The following BEAN1 variants were observed in gnomAD, a reference collection of about 807,000 sequenced individuals.
BEAN1 encodes the protein protein BEAN1.
Under a neutral mutation model 17.7 loss-of-function variants are expected in BEAN1, and 17 were observed. That is an observed-to-expected ratio of 0.96 (90% CI 0.66 to 1.44). The LOEUF is 1.44. Ranked by LOEUF, BEAN1 falls within the 40% of genes most tolerant of loss-of-function variation. The probability of loss-of-function intolerance (pLI) is 0.00; values close to 1 mark genes in which losing one functional copy is unlikely to be tolerated. For synonymous variants in BEAN1, 142 were observed against 151.8 expected (o/e 0.94, Z 0.47); for missense variants, 359 against 374.1 (o/e 0.96, Z 0.33).
chr16:66,475,317 T>C (rs184924007), intron 3 of BEAN1, among the ~76,000 whole-genome samples: 1 of 152,146 alleles, frequency 6.6e-6, no homozygotes, highest in African/African-American at 2.4e-5. Flanking sequence ...TTTCCCAAGA[T>C]GCTCCCCTCT....
chr16:66,461,227 T>C (rs1000801022), intron 2 of BEAN1, among the ~76,000 whole-genome samples: 1 of 152,194 alleles, frequency 6.6e-6, no homozygotes, highest in Non-Finnish European at 1.5e-5. Flanking sequence ...ATGTTATTTC[T>C]CTGCAGTCAT....
intron 1 of BEAN1, among the ~76,000 whole-genome samples, chr16:66,436,886 G>A (rs1962046084): frequency 6.6e-6 from 1 of 152,084 alleles, no homozygotes; most frequent in South Asian, 2.1e-4. Context: ...TCATTCTGTA[G>A]GCCTTTGTTT....
At position 66,430,120 on chromosome 16, in the gene BEAN1, A is replaced by C. The variant is rs1020419227; in HGVS notation, c.-83+2689A>C. Reference sequence around the variant, plus strand: ...TATAGCATGTGGTTCTGGGAAGGTGACTTATTTTTCAAAGCCTCAGTTCCC... The same window carrying C: ...TATAGCATGTGGTTCTGGGAAGGTGCCTTATTTTTCAAAGCCTCAGTTCCC... On this transcript the variant is annotated intron_variant, in intron 1 of 4. Coordinates refer to ENST00000536005, the MANE Select transcript of BEAN1 (RefSeq NM_001178020.3). Among the ~76,000 whole-genome samples, 3 of 152,126 alleles carry C rather than the reference A, an allele frequency of 2.0e-5. No homozygotes were observed. The East Asian group carries it at 5.8e-4, about 29-fold the overall frequency.
At chr16:66,476,746 C>T (rs1963764346) in intron 3 of BEAN1, among the ~76,000 whole-genome samples, 1 of 152,194 alleles carries the variant, frequency 6.6e-6, no homozygotes, top group Non-Finnish European at 1.5e-5. Context: ...GGATTGTGCT[C>T]CAGCAGCATT....
At chr16:66,492,192 C>A (rs1413078954) in intron 4 of BEAN1, among the ~76,000 whole-genome samples, 1 of 151,912 alleles carries the variant, frequency 6.6e-6, no homozygotes, top group Non-Finnish European at 1.5e-5. Context: ...CAGGTGTCCA[C>A]CAACACACCT....
At chr16:66,438,181 C>T (rs1269373212) in intron 2 of BEAN1, among the ~76,000 whole-genome samples, 3 of 152,062 alleles carry the variant, frequency 2.0e-5, no homozygotes, top group East Asian at 1.9e-4. Flanking sequence ...GTCAGGAGTT[C>T]GAGACCAGCC....
intron 4 of BEAN1, among the ~76,000 whole-genome samples, chr16:66,488,753 G>A (rs1186283304): frequency 6.6e-6 from 1 of 151,698 alleles, no homozygotes; most frequent in East Asian, 1.9e-4. Flanking sequence ...CTTTTAAGAT[G>A]GAGGAAGGGG....
At chr16:66,466,597 C>T (rs1041620450) in intron 2 of BEAN1, among the ~76,000 whole-genome samples, 1 of 152,126 alleles carries the variant, frequency 6.6e-6, no homozygotes, top group Non-Finnish European at 1.5e-5. Flanking sequence ...TGGAGTTTTG[C>T]TCTTGTTGCC....
At chr16:66,470,128 T>G (rs1963421369) in intron 3 of BEAN1, 1 of 579,930 alleles carries the variant, frequency 1.7e-6, no homozygotes, top group Non-Finnish European at 3.0e-6. Context: ...CCCCTGCCAC[T>G]GTTGGTCCAG....
rs757117650 is a variant in BEAN1 at position 66,471,158 on chromosome 16, T to C, written c.289+1293T>C. 2.6e-5 allele frequency among the ~76,000 whole-genome samples: 4 copies of C among 152,182 alleles called. No individual in the cohort carries two copies. Among genetic ancestry groups the C allele is most frequent in the Admixed American group, 2.6e-4 (4 of 15,284 alleles). On this transcript the variant is annotated intron_variant, in intron 3 of 4. Coordinates refer to ENST00000536005, the MANE Select transcript of BEAN1 (RefSeq NM_001178020.3). This position sits in a 1 kb window ranked among gnomAD's most constrained non-coding sequence, Gnocchi z 4.7. Reference sequence around the variant, plus strand: ...TGGCCTTTGGGGCCCCTCCTCCCCCTCCCAGACACACCCTGATTAGCCAGG... The same window carrying C: ...TGGCCTTTGGGGCCCCTCCTCCCCCCCCCAGACACACCCTGATTAGCCAGG...
chr16:66,433,774 T>C (rs1961899403), intron 1 of BEAN1, among the ~76,000 whole-genome samples: 1 of 152,230 alleles, frequency 6.6e-6, no homozygotes, highest in African/African-American at 2.4e-5. Context: ...CTGTGGCCTC[T>C]TTCACAAGGC....
At chr16:66,456,709 G>A (rs1360709628) in intron 2 of BEAN1, among the ~76,000 whole-genome samples, 2 of 152,214 alleles carry the variant, frequency 1.3e-5, no homozygotes, top group African/African-American at 4.8e-5. Context: ...AGTAATTTGT[G>A]AAATTGTTTC....
chr16:66,484,692 A>T (rs918322074), downstream of BEAN1: 8 of 454,010 alleles, frequency 1.8e-5, no homozygotes, highest in African/African-American at 1.0e-4. This position sits in a 1 kb window ranked among gnomAD's most constrained non-coding sequence, Gnocchi z 4.2. Context: ...GCAGGAAACA[A>T]GAAAGGCAAG....
chr16:66,435,165 A>G (rs1225160987), intron 1 of BEAN1, among the ~76,000 whole-genome samples: 1 of 152,104 alleles, frequency 6.6e-6, no homozygotes, highest in Non-Finnish European at 1.5e-5. Context: ...GTGTCTAGGA[A>G]GCAGGCCAGC....
chr16:66,450,472 T>A (rs973633514), intron 2 of BEAN1, among the ~76,000 whole-genome samples: 1 of 152,016 alleles, frequency 6.6e-6, no homozygotes, highest in Non-Finnish European at 1.5e-5. Context: ...TCCCAGCACT[T>A]TGGGAGGCCG....
Position 66,482,757 on chromosome 16 carries a change from TA to T in BEAN1, c.*1834del, listed in dbSNP as rs1964024547. 2.4e-6 allele frequency: 1 copy of T among 416,604 alleles called. No individual in the cohort carries two copies. The highest frequency in any genetic ancestry group is 7.2e-5 in the East Asian group (1 of 13,862). 25.8% of individuals were successfully genotyped at this position (416,604 alleles called of 1,614,324 possible). A position where few individuals can be genotyped will look rare whatever the true frequency, so the allele number is the denominator to read the frequency against. On this transcript the variant is annotated 3_prime_UTR_variant, in exon 5 of 5. Transcript: ENST00000536005. ...TCTTGTTCCTGGACTAGGCAATGAA[TA>T]AGCAACAATGTATCTTTTCTGTGTT... is the stretch of plus-strand genomic sequence containing the variant.
downstream of BEAN1, chr16:66,493,662 C>G: frequency 2.1e-6 from 1 of 475,982 alleles, no homozygotes; most frequent in South Asian, 4.7e-5. Context: ...GTCTCGGATG[C>G]AGTTCCTGAG....
Position 66,471,665 on chromosome 16 carries a change from C to CAGCA in BEAN1, c.289+1801_289+1804dup, listed in dbSNP as rs1226936169. 6.6e-6 allele frequency among the ~76,000 whole-genome samples: 1 copy of CAGCA among 152,248 alleles called. No homozygotes were observed. Among genetic ancestry groups the CAGCA allele is most frequent in the East Asian group, 1.9e-4 (1 of 5,190 alleles). ...AAGTGGCCACAGTTGAGGAAAGACA[C>CAGCA]AGCAGGCTAGTGGACTGTTCTCACT... On this transcript the variant is annotated intron_variant, in intron 3 of 4. Coordinates refer to ENST00000536005, the MANE Select transcript of BEAN1 (RefSeq NM_001178020.3). This position sits in a 1 kb window ranked among gnomAD's most constrained non-coding sequence, Gnocchi z 4.7.
At chr16:66,428,692 G>A (rs1961676287) in intron 1 of BEAN1, among the ~76,000 whole-genome samples, 2 of 152,142 alleles carry the variant, frequency 1.3e-5, no homozygotes, top group Non-Finnish European at 2.9e-5. Context: ...GTAGCCTGGT[G>A]CCTGGCACGC....
Sources: gnomAD v4.1 joint callset for allele counts (sites outside exome capture counted in the v4.1 genomes callset) on GRCh38, gnomAD v4.1.1 for gene constraint, Gnocchi (gnomAD v3.1) non-coding constraint, MANE v1.5 for transcripts, NCBI Gene and HGNC (gene_info 2026-07-23, HGNC 2026-07-21) for gene names.